CPNE5: variants seen among roughly 807,000 people sequenced by gnomAD.
The protein encoded by CPNE5 is copine 5.
A neutral mutation model predicts 81.1 loss-of-function variants in CPNE5; 42 were observed. The ratio of observed to expected loss-of-function variants is 0.52; its 90% CI spans 0.40 to 0.67. The LOEUF (loss-of-function observed/expected upper bound fraction) is 0.67. Ranked by LOEUF, CPNE5 falls within the 30% of genes least tolerant of loss-of-function variation. The pLI is 0.00. For synonymous variants in CPNE5, 313 were observed against 321.5 expected, an observed-to-expected ratio of 0.97 and a Z score of 0.28; for missense variants, 612 against 815.5, an observed-to-expected ratio of 0.75 and a Z score of 3.04.
intron 3 of CPNE5, among the ~76,000 whole-genome samples, chr6:36,802,056 T>C (rs1408992425): frequency 6.6e-6 from 1 of 151,614 alleles, no homozygotes; most frequent in African/African-American, 2.4e-5. Context: ...CTGTCTCTAC[T>C]AAAAATACAA....
At chr6:36,824,244 A>C (rs1367762285) in intron 1 of CPNE5, among the ~76,000 whole-genome samples, 1 of 152,206 alleles carries the variant, frequency 6.6e-6, no homozygotes, top group Non-Finnish European at 1.5e-5. Flanking sequence ...ACCAACAGGA[A>C]GGGGCTGGAG....
Position 36,742,030 on chromosome 6 carries a change from A to G in CPNE5, c.*238T>C. Reference sequence around the variant, plus strand: ...AGAGCCAGGTATTGGGGAAGAAGAGAAGGGCTGGGTCCCTGTGTACCCCTC... The same window carrying G: ...AGAGCCAGGTATTGGGGAAGAAGAGGAGGGCTGGGTCCCTGTGTACCCCTC... On this transcript the variant is annotated 3_prime_UTR_variant, in exon 21 of 21. Coordinates refer to ENST00000244751, the MANE Select transcript of CPNE5 (RefSeq NM_020939.2). 1 of 497,200 alleles carries G rather than the reference A, an allele frequency of 2.0e-6. No homozygotes were observed. The highest frequency in any genetic ancestry group is 3.6e-6 in the Non-Finnish European group (1 of 280,262). 30.8% of individuals were successfully genotyped at this position (497,200 alleles called of 1,614,324 possible).
At chr6:36,761,984 G>A (rs1766069025) in intron 12 of CPNE5, among the ~76,000 whole-genome samples, 1 of 152,170 alleles carries the variant, frequency 6.6e-6, no homozygotes, top group Non-Finnish European at 1.5e-5. Context: ...GAACGCGGTG[G>A]CTCAGGCCTA....
At chr6:36,743,849 C>A (rs1251190025) in intron 19 of CPNE5, 87 bp from the exon 20 acceptor site, 36 of 1,160,828 alleles carry the variant, frequency 3.1e-5, no homozygotes, top group Middle Eastern at 1.9e-4. Flanking sequence ...CCTTTCATCC[C>A]AGGCCAATCC....
chr6:36,811,874 T>C (rs236390), intron 3 of CPNE5, among the ~76,000 whole-genome samples: 53,622 of 150,682 alleles, frequency 0.36, 9,904 homozygotes, highest in African/African-American at 0.46. Context: ...GAGGCCGAGG[T>C]GGGCGGATCT....
intron 3 of CPNE5, among the ~76,000 whole-genome samples, chr6:36,805,016 A>G (rs1770462573): frequency 1.3e-5 from 2 of 152,108 alleles, no homozygotes; most frequent in Non-Finnish European, 2.9e-5. Context: ...CAAAGGGGAA[A>G]AATGCTAAAA....
intron 1 of CPNE5, among the ~76,000 whole-genome samples, chr6:36,834,450 G>C (rs1420181385): frequency 2.6e-5 from 4 of 152,016 alleles, no homozygotes; most frequent in Non-Finnish European, 5.9e-5. Flanking sequence ...GAGGTCAGCA[G>C]TTCAAGACCA....
chr6:36,742,126 C>T lies in CPNE5; in HGVS notation c.*142G>A. ...GGCCAAGAAATTGAGGAGGGGTCTT[C>T]AGAAGCCCCACCCCCTGGCAGCCTC... On this transcript the variant is annotated 3_prime_UTR_variant, in exon 21 of 21. Coordinates refer to ENST00000244751, the MANE Select transcript of CPNE5 (RefSeq NM_020939.2). 1.6e-6 allele frequency: 1 copy of T among 623,642 alleles called. No individual in the cohort carries two copies. The allele number at this position is 623,642 out of a possible 1,614,324, so 38.6% of individuals were successfully genotyped here.
chr6:36,838,716 C>T (rs457624), intron 1 of CPNE5: 51,405 of 966,402 alleles, frequency 0.053, 1,530 homozygotes, highest in Non-Finnish European at 0.058. Context: ...ATGAGTCAAT[C>T]TGATCCTTTT....
chr6:36,835,606 G>A (rs1467082555), intron 1 of CPNE5, among the ~76,000 whole-genome samples: 1 of 152,152 alleles, frequency 6.6e-6, no homozygotes, highest in Non-Finnish European at 1.5e-5. Context: ...GACCAGCCTG[G>A]CCAACATGGT....
chr6:36,761,212 G>A (rs1464253255), intron 12 of CPNE5, among the ~76,000 whole-genome samples: 1 of 152,214 alleles, frequency 6.6e-6, no homozygotes, highest in African/African-American at 2.4e-5. Flanking sequence ...TCTGACTGGG[G>A]TGGGGCGGGG....
At chr6:36,763,113 C>G in intron 11 of CPNE5, 121 bp from the exon 12 acceptor site, 1 of 824,504 alleles carries the variant, frequency 1.2e-6, no homozygotes, top group Non-Finnish European at 2.0e-6. Flanking sequence ...ACTCCAGGGG[C>G]ACACGCCAGC....
intron 8 of CPNE5, among the ~76,000 whole-genome samples, chr6:36,784,011 G>C (rs952615909): frequency 4.6e-5 from 7 of 152,228 alleles, no homozygotes; most frequent in African/African-American, 1.7e-4. Context: ...TGAGAAGTCA[G>C]AGAAGTGTGA....
At chr6:36,838,080 T>C (rs1773685821) in intron 1 of CPNE5, among the ~76,000 whole-genome samples, 1 of 152,142 alleles carries the variant, frequency 6.6e-6, no homozygotes, top group African/African-American at 2.4e-5. Flanking sequence ...TCACTGCCAC[T>C]TATCCCCAAG....
At chr6:36,808,214 C>T (rs1770771993) in intron 3 of CPNE5, among the ~76,000 whole-genome samples, 1 of 152,140 alleles carries the variant, frequency 6.6e-6, no homozygotes, top group Admixed American at 6.5e-5. Context: ...CCTCAGCCTC[C>T]CCAGTAGCTG....
At chr6:36,755,517 G>GTT (rs996220535) in intron 13 of CPNE5, 1 of 144,902 alleles carries the variant, frequency 6.9e-6, no homozygotes, top group Non-Finnish European at 1.5e-5. Flanking sequence ...AGGCATGTGT[G>GTT]TGTGTGTGTG....
At chr6:36,818,784 A>G (rs1771787656) in intron 3 of CPNE5, among the ~76,000 whole-genome samples, 1 of 152,180 alleles carries the variant, frequency 6.6e-6, no homozygotes, top group African/African-American at 2.4e-5. Context: ...TGTAGTAACA[A>G]GATGTGACTT....
intron 3 of CPNE5, among the ~76,000 whole-genome samples, chr6:36,810,848 C>T (rs1224156745): frequency 6.6e-6 from 1 of 152,160 alleles, no homozygotes; most frequent in African/African-American, 2.4e-5. Context: ...TTTGTTAAGG[C>T]TTCCAGGTAA....
intron 3 of CPNE5, among the ~76,000 whole-genome samples, chr6:36,820,916 C>CAGCCCAG (rs1185617003): frequency 6.6e-6 from 1 of 151,848 alleles, no homozygotes; most frequent in African/African-American, 2.4e-5. Context: ...CACTGCACTC[C>CAGCCCAG]AGCCCAGGCA....
Sources: gnomAD v4.1 joint callset for allele counts (sites outside exome capture counted in the v4.1 genomes callset) on GRCh38, gnomAD v4.1.1 for gene constraint, MANE v1.5 for transcripts, NCBI Gene and HGNC (gene_info 2026-07-23, HGNC 2026-07-21) for gene names.